The following SPC25 variants were observed in gnomAD, a reference collection of about 807,000 sequenced individuals.
SPC25 encodes SPC25 component of NDC80 kinetochore complex.
Under a neutral mutation model 29.6 loss-of-function variants are expected in SPC25, and 22 were observed. The observed-to-expected ratio is 0.74, with a 90% confidence interval of 0.53 to 1.06. The LOEUF is 1.06. Ranked by LOEUF, SPC25 falls within the 50% of genes least tolerant of loss-of-function variation. The probability of loss-of-function intolerance (pLI) is 0.00; values close to 1 mark genes in which losing one functional copy is unlikely to be tolerated. For missense variants in SPC25, 230 were observed against 255.8 expected (o/e 0.90, Z 0.69); for synonymous variants, 91 against 90.4 (o/e 1.01, Z -0.04).
intron 4 of SPC25, chr2:168,863,473 G>C (rs1194220492): frequency 3.0e-6 from 3 of 985,156 alleles, no homozygotes; most frequent in African/African-American, 1.7e-5. Context: ...GACGGGGGCA[G>C]ATGATCCTGA....
chr2:168,877,148 A>T, intron 4 of SPC25, 90 bp downstream of exon 4: 1 of 1,407,422 alleles, frequency 7.1e-7, no homozygotes, highest in Non-Finnish European at 9.7e-7. Flanking sequence ...CATTTTTAGC[A>T]ATGAACTGGA....
At chr2:168,870,497 A>C (rs1689957829), downstream of SPC25, among the ~76,000 whole-genome samples, 1 of 151,902 alleles carries the variant, frequency 6.6e-6, no homozygotes, top group South Asian at 2.1e-4. Context: ...CAATGAACTC[A>C]AACAAATTTA....
At chr2:168,867,572 C>G (rs1689889312), downstream of SPC25, among the ~76,000 whole-genome samples, 1 of 152,240 alleles carries the variant, frequency 6.6e-6, no homozygotes, top group South Asian at 2.1e-4. Context: ...CAAAAAAAGG[C>G]AAGGATTGCA....
chr2:168,869,511 T>C (rs1689938064), downstream of SPC25, among the ~76,000 whole-genome samples: 1 of 152,216 alleles, frequency 6.6e-6, no homozygotes, highest in Admixed American at 6.5e-5. Context: ...CAGCAAACTC[T>C]CAGGATGCAA....
intron 3 of SPC25, among the ~76,000 whole-genome samples, chr2:168,883,122 C>T (rs1297410510): frequency 1.3e-5 from 2 of 151,442 alleles, no homozygotes; most frequent in African/African-American, 4.9e-5. Context: ...TCTTCAATGG[C>T]TAACAAGCAA....
chr2:168,882,602 AAAAT>A (rs111778371), intron 3 of SPC25, among the ~76,000 whole-genome samples: 3 of 148,640 alleles, frequency 2.0e-5, no homozygotes, highest in East Asian at 2.0e-4. Flanking sequence ...CCCTGTCTCA[AAAAT>A]AAATAAATAA....
chr2:168,865,690 G>A (rs1288178257), intron 4 of SPC25, among the ~76,000 whole-genome samples: 1 of 152,182 alleles, frequency 6.6e-6, no homozygotes, highest in Non-Finnish European at 1.5e-5. Context: ...GTCCCTGTTT[G>A]CAGATGACAT....
chr2:168,889,048 CATAT>C (rs1344025502), intron 3 of SPC25, among the ~76,000 whole-genome samples, 174 bp downstream of exon 3: 10 of 89,994 alleles, frequency 1.1e-4, no homozygotes, highest in Non-Finnish European at 2.1e-4. Flanking sequence ...TATATATACA[CATAT>C]ATATACATAT....
At chr2:168,865,236 C>T in intron 4 of SPC25, 1 of 352,514 alleles carries the variant, frequency 2.8e-6, no homozygotes, top group Non-Finnish European at 5.2e-6. Context: ...TCCAGTATAA[C>T]CCCTGGTGTC....
intron 3 of SPC25, among the ~76,000 whole-genome samples, chr2:168,886,686 A>C (rs1182566277): frequency 6.6e-6 from 1 of 151,688 alleles, no homozygotes; most frequent in African/African-American, 2.4e-5. Flanking sequence ...GGCCCAGCTA[A>C]TTTTTTGTAT....
chr2:168,885,987 C>A (rs189127208), intron 3 of SPC25, among the ~76,000 whole-genome samples: 2 of 151,748 alleles, frequency 1.3e-5, no homozygotes, highest in Non-Finnish European at 2.9e-5. Context: ...ACTGGAAGAA[C>A]CAAACCCTCC....
chr2:168,863,541 T>C (rs965466465), intron 4 of SPC25: 17 of 985,256 alleles, frequency 1.7e-5, no homozygotes, highest in Non-Finnish European at 1.9e-5. Flanking sequence ...CAATTCTCTA[T>C]GGAATTCTCT....
At chr2:168,877,412 A>T (rs765946026) in intron 3 of SPC25, 28 bp from the exon 4 acceptor site, 1 of 1,611,388 alleles carries the variant, frequency 6.2e-7, no homozygotes, top group Admixed American at 1.7e-5. Context: ...TATTAGCTAG[A>T]ATATGCTTGG....
intron 3 of SPC25, 63 bp from the exon 4 acceptor site, chr2:168,877,447 G>T (rs1006770930): frequency 1.0e-4 from 157 of 1,565,872 alleles, no homozygotes; most frequent in Admixed American, 2.6e-4. Context: ...TCTAAGAAAA[G>T]GCCAAAGTTT....
intron 3 of SPC25, among the ~76,000 whole-genome samples, chr2:168,882,686 A>G (rs1690197548): frequency 6.6e-6 from 1 of 152,220 alleles, no homozygotes; most frequent in South Asian, 2.1e-4. Context: ...TTTGCCCATT[A>G]AATTATCCTC....
rs1690201198 is a variant in SPC25, at chr2:168,882,944, C to G, written c.200-5560G>C. 2.0e-5 allele frequency among the ~76,000 whole-genome samples: 3 copies of G among 152,016 alleles called. 1 individual carries two copies. The South Asian group carries it at 6.2e-4, about 32-fold the overall frequency. ...GAGAGGAATGCAAAATGCTAGGGTC[C>G]TTCTAGAAAATATTTTTGACATTGT... is the stretch of plus-strand genomic sequence containing the variant. On this transcript the variant is annotated intron_variant, in intron 3 of 6. Coordinates refer to ENST00000282074, the MANE Select transcript of SPC25 (RefSeq NM_020675.4).
At chr2:168,861,705 T>C (rs1051287854) in intron 4 of SPC25, among the ~76,000 whole-genome samples, 4 of 152,238 alleles carry the variant, frequency 2.6e-5, no homozygotes, top group Non-Finnish European at 5.9e-5. Context: ...ATGATGTTTT[T>C]CTCTAGACTT....
chr2:168,889,058 C>T (rs924807661), intron 3 of SPC25, among the ~76,000 whole-genome samples, 168 bp downstream of exon 3: 1,282 of 116,780 alleles, frequency 0.011, 68 homozygotes, highest in African/African-American at 0.043. Context: ...CATATATATA[C>T]ATATATATAT....
chr2:168,862,479 C>T (rs769865034), intron 4 of SPC25, among the ~76,000 whole-genome samples: 4 of 152,178 alleles, frequency 2.6e-5, no homozygotes, highest in Non-Finnish European at 4.4e-5. Context: ...AGATGTACCC[C>T]ACCTTTTTAT....
Sources: gnomAD v4.1 joint callset for allele counts (sites outside exome capture counted in the v4.1 genomes callset) on GRCh38, gnomAD v4.1.1 for gene constraint, MANE v1.5 for transcripts, NCBI Gene and HGNC (gene_info 2026-07-23, HGNC 2026-07-21) for gene names.